Variants in HEG1 observed in about 807,000 individuals in gnomAD.
The protein encoded by HEG1 is heart development protein with EGF like domains 1, also known as protein HEG homolog 1.
HEG1 carries 56 observed loss-of-function variants against 125.6 expected under a neutral mutation model. The ratio of observed to expected loss-of-function variants is 0.45; its 90% CI spans 0.36 to 0.56. The LOEUF (loss-of-function observed/expected upper bound fraction) is 0.56, where lower values mean the gene tolerates loss of function less well. HEG1 is among the 20% of genes least tolerant of loss of function. The probability of loss-of-function intolerance (pLI) is 0.00; values close to 1 mark genes in which losing one functional copy is unlikely to be tolerated. For synonymous variants in HEG1, 644 were observed against 668.5 expected, an observed-to-expected ratio of 0.96 and a Z score of 0.57; for missense variants, 1,523 against 1,670.0, an observed-to-expected ratio of 0.91 and a Z score of 1.53.
rs536961540 is a variant in HEG1 at position 125,029,343 on chromosome 3, C to T, written c.462G>A (p.Ser154=). 2.8e-5 allele frequency: 45 copies of T among 1,613,926 alleles called. No homozygotes were observed. Among genetic ancestry groups the T allele is most frequent in the Middle Eastern group, 1.6e-4 (1 of 6,062 alleles). ...VQTSGKSHAA[S]DAPENLTLLA... is the part of the protein sequence containing the mutation. ...GTAGAGTGAGGTTTTCTGGAGCATCCGAAGCAGCATGGCTCTTCCCAGAGG... is the reference window on the plus strand; with the variant it reads ...GTAGAGTGAGGTTTTCTGGAGCATCTGAAGCAGCATGGCTCTTCCCAGAGG... The change falls in exon 2 of 17, where the codon TCG becomes TCA. Residue 154 remains serine (S), a synonymous_variant. Transcript: ENST00000311127.
intron 1 of HEG1, among the ~76,000 whole-genome samples, chr3:125,041,929 G>A (rs1937596653): frequency 6.6e-6 from 1 of 152,160 alleles, no homozygotes; most frequent in Admixed American, 6.5e-5. Context: ...CGGAATAAAG[G>A]TTTATCAGGG....
At chr3:125,004,413 A>G (rs898865267) in intron 9 of HEG1, among the ~76,000 whole-genome samples, 1 of 152,180 alleles carries the variant, frequency 6.6e-6, no homozygotes, top group Non-Finnish European at 1.5e-5. Context: ...GTTGAGAAGC[A>G]AAGTTTATTA....
rs557882013 is a variant in HEG1 at position 124,968,703 on chromosome 3, G to C, written c.*1949C>G. The stretch of plus-strand genomic sequence containing the variant: ...AGCTGCGGGTTCTGGGGGTGAGCAG[G>C]CATGCTGCGGAAGGAGCCAAGAAGC... On this transcript the variant is annotated 3_prime_UTR_variant, in exon 17 of 17. Coordinates refer to ENST00000311127, the MANE Select transcript of HEG1 (RefSeq NM_020733.2). The C allele has an allele frequency of 7.6e-4, 116 of 152,294 alleles. No homozygotes were observed. The highest frequency in any genetic ancestry group is 2.6e-3 in the African/African-American group (109 of 41,544). 9.4% of individuals were successfully genotyped at this position (152,294 alleles called of 1,614,324 possible). A position where few individuals can be genotyped will look rare whatever the true frequency, so the allele number is the denominator to read the frequency against.
chr3:125,037,426 G>T (rs1937558506), intron 1 of HEG1, among the ~76,000 whole-genome samples: 1 of 152,196 alleles, frequency 6.6e-6, no homozygotes. Flanking sequence ...TGTGTAGGTA[G>T]GAGTTCCAGT....
At position 125,005,250 on chromosome 3, in the gene HEG1, A is replaced by G; in HGVS notation, c.3297+15T>C. The G allele has an allele frequency of 6.8e-7, 1 of 1,481,010 alleles. No individual in the cohort carries two copies. Among genetic ancestry groups the G allele is most frequent in the Non-Finnish European group, 9.3e-7 (1 of 1,071,156 alleles). The allele number at this position is 1,481,010 out of a possible 1,614,324, so 91.7% of individuals were successfully genotyped here. A position where few individuals can be genotyped will look rare whatever the true frequency, so the allele number is the denominator to read the frequency against. On this transcript the variant is annotated intron_variant, in intron 9 of 16. Coordinates refer to ENST00000311127, the MANE Select transcript of HEG1 (RefSeq NM_020733.2). ...AACAAAAGACGAGTAGAAAGATGCC[A>G]TTCAGGACACTTACCGTTTTGGTGA...
At chr3:125,023,690 TC>T (rs1177104956) in intron 3 of HEG1, among the ~76,000 whole-genome samples, 1 of 152,214 alleles carries the variant, frequency 6.6e-6, no homozygotes, top group East Asian at 1.9e-4. Flanking sequence ...ACATTTCTAA[TC>T]AACAGGCTGG....
rs1441071739 is a variant in HEG1, at chr3:124,965,848, T to G, written c.*4804A>C. 2 of 152,190 alleles carry G rather than the reference T, an allele frequency of 1.3e-5. No homozygotes were observed. The highest frequency in any genetic ancestry group is 2.9e-5 in the Non-Finnish European group (2 of 68,030). 9.4% of individuals were successfully genotyped at this position (152,190 alleles called of 1,614,324 possible). A position where few individuals can be genotyped will look rare whatever the true frequency, so the allele number is the denominator to read the frequency against. On this transcript the variant is annotated 3_prime_UTR_variant, in exon 17 of 17. Transcript: ENST00000311127. ...ACTGAATAATTAGTGGAGGTTGCAA[T>G]TATAATACAACTTTAAATAACATTC...
chr3:125,014,651 G>A (rs922796261), intron 5 of HEG1: 14 of 1,180,554 alleles, frequency 1.2e-5, no homozygotes, highest in Non-Finnish European at 1.4e-5. Context: ...TCCCAGGACG[G>A]TGAGTAAATT....
chr3:125,046,440 T>C (rs1022508523), intron 1 of HEG1, among the ~76,000 whole-genome samples: 1 of 151,272 alleles, frequency 6.6e-6, no homozygotes, highest in East Asian at 1.9e-4. Context: ...CACACATATA[T>C]ATTTTTTTAA....
chr3:125,027,571 T>C, intron 2 of HEG1, 64 bp from the exon 3 acceptor site: 1 of 1,351,288 alleles, frequency 7.4e-7, no homozygotes, highest in Non-Finnish European at 1.0e-6. Context: ...AATATGCTTT[T>C]AGGGGGCTCA....
At chr3:124,983,714 T>C (rs1936691687) in intron 14 of HEG1, among the ~76,000 whole-genome samples, 1 of 152,186 alleles carries the variant, frequency 6.6e-6, no homozygotes, top group African/African-American at 2.4e-5. Flanking sequence ...CCTTCTGAAA[T>C]TCACCTTTTG....
At chr3:125,027,622 A>C in intron 2 of HEG1, 115 bp from the exon 3 acceptor site, 1 of 856,118 alleles carries the variant, frequency 1.2e-6, no homozygotes, top group South Asian at 1.9e-5. Flanking sequence ...AGAAGAAATT[A>C]GGAGAATAAT....
chr3:125,055,623 C>T lies in HEG1; in HGVS notation c.268G>A (p.Ala90Thr), dbSNP rs747010425. The T allele has an allele frequency of 7.5e-6, 9 of 1,203,062 alleles. No individual in the cohort carries two copies. In the Admixed American group the frequency reaches 4.0e-4, roughly 53 times the overall value. 74.5% of individuals were successfully genotyped at this position (1,203,062 alleles called of 1,614,324 possible). A position where few individuals can be genotyped will look rare whatever the true frequency, so the allele number is the denominator to read the frequency against. ...PSYRAPEPGA[A>T]TQRGPSGRAP... ...CGGCCGGAGGGTCCCCGCTGTGTCG[C>T]GGCGCCTGGCTCAGGGGCCCTGTAG... Residue 90 changes from alanine (A) to threonine (T), a missense_variant, in exon 1 of 17, where the codon GCG (alanine) becomes ACG (threonine). Transcript: ENST00000311127.
At chr3:125,027,088 G>A in intron 3 of HEG1, 117 bp downstream of exon 3, 1 of 945,704 alleles carries the variant, frequency 1.1e-6, no homozygotes, top group South Asian at 1.9e-5. Flanking sequence ...TGGCATTTTG[G>A]CTTGATGTCT....
intron 14 of HEG1, among the ~76,000 whole-genome samples, chr3:124,986,062 G>A (rs1301116113): frequency 6.6e-6 from 1 of 152,224 alleles, no homozygotes; most frequent in Non-Finnish European, 1.5e-5. Flanking sequence ...ACAGGCGTGA[G>A]CCACTGTGCC....
Position 124,977,877 on chromosome 3 carries a change from A to T in HEG1, c.3803T>A (p.Leu1268Gln). The T allele has an allele frequency of 6.4e-7, 1 of 1,573,890 alleles. No homozygotes were observed. Among genetic ancestry groups the T allele is most frequent in the Non-Finnish European group, 8.6e-7 (1 of 1,159,308 alleles). Residue 1268 changes from leucine to glutamine, a missense_variant, in exon 15 of 17, where the codon CTG (leucine) becomes CAG (glutamine). Physicochemically the swap from Leu to Gln is moderately radical, Grantham distance 113. Transcript: ENST00000311127. The part of the protein sequence containing the change: ...GGLLLILGIA[L>Q]IVTCCRKNKN... ...CACTTACCTGCAACAGGTAACAATC[A>T]GTGCGATGCCTAGGATGAGCAGGAG...
At position 124,966,529 on chromosome 3, in the gene HEG1, A is replaced by G. The variant is rs1936317049; in HGVS notation, c.*4123T>C. On this transcript the variant is annotated 3_prime_UTR_variant, in exon 17 of 17. Transcript: ENST00000311127. ...AAACACACATGAGAACCTCAGAATG[A>G]CACTTTGTTAAGGGAGGAAATGAAA... 6.6e-6 allele frequency: 1 copy of G among 152,214 alleles called. No individual in the cohort carries two copies. Among genetic ancestry groups the G allele is most frequent in the Non-Finnish European group, 1.5e-5 (1 of 68,022 alleles). The allele number at this position is 152,214 out of a possible 1,614,324, so 9.4% of individuals were successfully genotyped here.
chr3:124,967,663 A>G lies in HEG1; in HGVS notation c.*2989T>C, dbSNP rs13473. On this transcript the variant is annotated 3_prime_UTR_variant, in exon 17 of 17. Coordinates refer to ENST00000311127, the MANE Select transcript of HEG1 (RefSeq NM_020733.2). ...GGCAGAGTAGCTGGGGGAGTCAGGC[A>G]GACAAGGGTTTCAGTCCTGCTTCTA... 0.86 allele frequency: 130,773 copies of G among 152,026 alleles called. 57,296 individuals carry two copies. The highest frequency in any genetic ancestry group is 0.96 in the East Asian group (4,968 of 5,170). The allele number at this position is 152,026 out of a possible 1,614,324, so 9.4% of individuals were successfully genotyped here.
chr3:125,010,201 T>C (rs1937136559), intron 7 of HEG1, among the ~76,000 whole-genome samples: 1 of 152,170 alleles, frequency 6.6e-6, no homozygotes, highest in Non-Finnish European at 1.5e-5. Context: ...GGGGCAGGAA[T>C]AGGGTACAGT....
Sources: gnomAD v4.1 joint callset for allele counts (sites outside exome capture counted in the v4.1 genomes callset) on GRCh38, gnomAD v4.1.1 for gene constraint, MANE v1.5 for transcripts, NCBI Gene and HGNC (gene_info 2026-07-23, HGNC 2026-07-21) for gene names.